KDM4B: variants seen among roughly 807,000 people sequenced by gnomAD.
KDM4B encodes lysine demethylase 4B.
In KDM4B, 32 loss-of-function variants were observed where a neutral mutation model predicts 125.2. The ratio of observed to expected loss-of-function variants is 0.26; its 90% CI spans 0.19 to 0.34. KDM4B has a LOEUF of 0.34. Among genes scored for constraint, KDM4B ranks in the 10% least tolerant of loss-of-function variants. The pLI, the probability that KDM4B is intolerant of heterozygous loss-of-function variation, is 1.00. For missense variants in KDM4B, 1,190 were observed against 1,577.7 expected (o/e 0.75, Z 4.16); for synonymous variants, 721 against 677.9 (o/e 1.06, Z -0.99).
chr19:5,066,318 C>T (rs984752874), intron 6 of KDM4B, among the ~76,000 whole-genome samples: 14 of 152,136 alleles, frequency 9.2e-5, no homozygotes, highest in African/African-American at 3.4e-4. Context: ...CCCACCTGCC[C>T]GTGCCCACCC....
At chr19:4,977,308 G>A (rs1171083967) in intron 1 of KDM4B, among the ~76,000 whole-genome samples, 1 of 152,222 alleles carries the variant, frequency 6.6e-6, no homozygotes, top group Admixed American at 6.5e-5. Flanking sequence ...CTGCCCAGTG[G>A]CTGCTGCACC....
intron 1 of KDM4B, among the ~76,000 whole-genome samples, chr19:5,013,144 C>T (rs1443537113): frequency 5.3e-5 from 8 of 152,198 alleles, no homozygotes; most frequent in Admixed American, 1.3e-4. Context: ...TTGGTAGCAC[C>T]GGGCTGAGGT....
intron 3 of KDM4B, among the ~76,000 whole-genome samples, chr19:5,038,040 T>C (rs1440464375): frequency 1.3e-5 from 2 of 152,264 alleles, no homozygotes; most frequent in African/African-American, 2.4e-5. Flanking sequence ...CTGCCAGCGA[T>C]GCAGGCGTCA....
At position 5,099,268 on chromosome 19, in the gene KDM4B, A is replaced by AG. The variant is rs142172533; in HGVS notation, c.919-11353dup. The stretch of plus-strand genomic sequence containing the variant: ...GAAGCTGGCATTCAGTTTCTCAGAG[A>AG]GAAACATTTAATAAGGATTTACAAC... On this transcript the variant is annotated intron_variant, in intron 9 of 22. Transcript: ENST00000159111. Among the ~76,000 whole-genome samples the AG allele has an allele frequency of 6.4e-3, 980 of 152,346 alleles. 9 individuals are homozygous for AG. The highest frequency in any genetic ancestry group is 0.027 in the Middle Eastern group (8 of 294).
intron 2 of KDM4B, among the ~76,000 whole-genome samples, chr19:5,024,326 A>C (rs1482605989): frequency 1.3e-5 from 2 of 152,070 alleles, no homozygotes; most frequent in Non-Finnish European, 2.9e-5. Context: ...GGTCAGCCAG[A>C]CTGTCCCCAC....
At chr19:5,048,190 C>T (rs192895599) in intron 6 of KDM4B, among the ~76,000 whole-genome samples, 91 of 152,334 alleles carry the variant, frequency 6.0e-4, no homozygotes, top group African/African-American at 1.7e-3. Flanking sequence ...TGCCCCTGCC[C>T]GGGAGGTGCC....
At chr19:4,981,648 C>T (rs531197700) in intron 1 of KDM4B, among the ~76,000 whole-genome samples, 1 of 152,272 alleles carries the variant, frequency 6.6e-6, no homozygotes, top group African/African-American at 2.4e-5. Context: ...CAGGTGGGTT[C>T]TCCAGGGGAG....
intron 10 of KDM4B, chr19:5,111,569 T>C (rs1185322252): frequency 1.3e-6 from 1 of 754,528 alleles, no homozygotes; most frequent in African/African-American, 1.7e-5. Flanking sequence ...CCCCAGCCCC[T>C]CCTCTGGGAA....
intron 1 of KDM4B, among the ~76,000 whole-genome samples, chr19:4,982,980 T>A (rs1191865131): frequency 2.0e-5 from 3 of 152,128 alleles, no homozygotes; most frequent in African/African-American, 7.2e-5. Flanking sequence ...TGTCTGAATT[T>A]TCTGGTAGCT....
At chr19:4,989,244 G>A (rs1452586937) in intron 1 of KDM4B, among the ~76,000 whole-genome samples, 2 of 152,216 alleles carry the variant, frequency 1.3e-5, no homozygotes, top group African/African-American at 2.4e-5. Flanking sequence ...TAAGGATGGT[G>A]GGGCAGGGGG....
Position 5,134,155 on chromosome 19 carries a change from A to G in KDM4B, c.2085+94A>G, listed in dbSNP as rs1388182290. The stretch of plus-strand genomic sequence containing the variant: ...GGCACCCCACACGCCTCCCTCTCTC[A>G]CGCAGGGCAGGGTGTTGGCCAGCAC... On this transcript the variant is annotated intron_variant, in intron 14 of 22. Transcript: ENST00000159111. The G allele has an allele frequency of 6.5e-6, 8 of 1,234,110 alleles. No homozygotes were observed. The East Asian group carries it at 1.9e-4, about 29-fold the overall frequency. 76.4% of individuals were successfully genotyped at this position (1,234,110 alleles called of 1,614,324 possible). A position where few individuals can be genotyped will look rare whatever the true frequency, so the allele number is the denominator to read the frequency against.
At chr19:5,125,423 T>G (rs2039432009) in intron 11 of KDM4B, among the ~76,000 whole-genome samples, 1 of 152,128 alleles carries the variant, frequency 6.6e-6, no homozygotes, top group African/African-American at 2.4e-5. Context: ...CCCCTGACAG[T>G]GGCAGTTGCC....
Position 5,152,542 on chromosome 19 carries a change from G to A in KDM4B, c.*1031G>A, listed in dbSNP as rs1396831788. The A allele has an allele frequency of 6.6e-6, 1 of 152,310 alleles. No individual in the cohort carries two copies. Among genetic ancestry groups the A allele is most frequent in the Admixed American group, 6.5e-5 (1 of 15,292 alleles). The allele number at this position is 152,310 out of a possible 1,614,324, so 9.4% of individuals were successfully genotyped here. A position where few individuals can be genotyped will look rare whatever the true frequency, so the allele number is the denominator to read the frequency against. ...TGAGCAGGTCGGGGGACACAGGGCCGAGGCAGGCCTTCGGGGCCCCTTTCG... is the reference window on the plus strand; with the variant it reads ...TGAGCAGGTCGGGGGACACAGGGCCAAGGCAGGCCTTCGGGGCCCCTTTCG... On this transcript the variant is annotated 3_prime_UTR_variant, in exon 23 of 23. Coordinates refer to ENST00000159111, the MANE Select transcript of KDM4B (RefSeq NM_015015.3).
chr19:5,081,353 C>A lies in KDM4B; in HGVS notation c.781-1014C>A, dbSNP rs8101078. On this transcript the variant is annotated intron_variant, in intron 8 of 22. Coordinates refer to ENST00000159111, the MANE Select transcript of KDM4B (RefSeq NM_015015.3). The surrounding 1 kb of genome is among the most constrained non-coding windows in gnomAD (Gnocchi z 4.2). ...GGTCGTCTTTCAAAGGCTTTATCAA[C>A]GGGCTTAGCAGTGAGCAGGGAGTGG... 6.6e-6 allele frequency among the ~76,000 whole-genome samples: 1 copy of A among 152,078 alleles called. No homozygotes were observed. The highest frequency in any genetic ancestry group is 6.5e-5 in the Admixed American group (1 of 15,282).
In KDM4B at chr19:5,105,416, T is replaced by C. The variant is rs532029331; in HGVS notation, c.919-5206T>C. On this transcript the variant is annotated intron_variant, in intron 9 of 22. Coordinates refer to ENST00000159111, the MANE Select transcript of KDM4B (RefSeq NM_015015.3). ...GAGTTACACTAGAAAAGTTACTTCA[T>C]GACTTAAGTCAGGCTTCAGCAAGCT... Among the ~76,000 whole-genome samples, 6 of 152,332 alleles carry C rather than the reference T, an allele frequency of 3.9e-5. No homozygotes were observed. The South Asian group carries it at 1.2e-3, about 32-fold the overall frequency.
chr19:5,006,767 C>T (rs1262229650), intron 1 of KDM4B, among the ~76,000 whole-genome samples: 1 of 147,230 alleles, frequency 6.8e-6, no homozygotes, highest in Non-Finnish European at 1.5e-5. Flanking sequence ...AGCGAAACTC[C>T]ATCTCAAAAA....
intron 1 of KDM4B, 133 bp downstream of exon 1, chr19:4,969,363 GCCGGGCCTCGCGCTTTGT>G: frequency 7.0e-6 from 1 of 143,032 alleles, no homozygotes; most frequent in South Asian, 2.1e-4. Flanking sequence ...GCCTGCTCGG[GCCGGGCCTCGCGCTTTGT>G]CCGGGCCGGC....
chr19:5,137,084 T>C (rs865966074), intron 15 of KDM4B, among the ~76,000 whole-genome samples, 178 bp from the exon 16 acceptor site: 4 of 152,304 alleles, frequency 2.6e-5, no homozygotes, highest in African/African-American at 7.2e-5. Context: ...TGGCCTGGAT[T>C]GAAGCTCAGA....
At chr19:5,131,853 C>T (rs375149462) in intron 12 of KDM4B, 34 bp from the exon 13 acceptor site, 301 of 1,612,318 alleles carry the variant, frequency 1.9e-4, no homozygotes, top group South Asian at 2.4e-4. Context: ...GGGTCTGTAG[C>T]GGGGCCCTCA....
Sources: gnomAD v4.1 joint callset for allele counts (sites outside exome capture counted in the v4.1 genomes callset) on GRCh38, gnomAD v4.1.1 for gene constraint, Gnocchi (gnomAD v3.1) non-coding constraint, MANE v1.5 for transcripts, NCBI Gene and HGNC (gene_info 2026-07-23, HGNC 2026-07-21) for gene names.